The following ZMYM2 variants were observed in gnomAD, a reference collection of about 807,000 sequenced individuals.
ZMYM2 encodes the protein zinc finger MYM-type protein 2.
ZMYM2 carries 56 observed loss-of-function variants against 162.8 expected under a neutral mutation model. The observed-to-expected ratio is 0.34, with a 90% CI of 0.28 to 0.43. ZMYM2 has a LOEUF of 0.43. ZMYM2 is among the 20% of genes least tolerant of loss of function. The probability of loss-of-function intolerance (pLI) is 1.00; values close to 1 mark genes in which losing one functional copy is unlikely to be tolerated. For missense variants in ZMYM2, 1,275 were observed against 1,621.8 expected (o/e 0.79, Z 3.67); for synonymous variants, 510 against 541.6 (o/e 0.94, Z 0.81).
Position 19,960,234 on chromosome 13 carries a change from C to T in ZMYM2, c.-11+208C>T, listed in dbSNP as rs566778441. Among the ~76,000 whole-genome samples the T allele has an allele frequency of 1.4e-3, 208 of 152,334 alleles. 1 individual carries two copies. The highest frequency in any genetic ancestry group is 4.7e-3 in the African/African-American group (197 of 41,578). On this transcript the variant is annotated intron_variant, in intron 2 of 24. Transcript: ENST00000610343. The stretch of plus-strand genomic sequence containing the variant: ...TCCACCGCTGCAGACATCGCTCCTG[C>T]TGCTGCAATACCAACCTCAGCAACC...
chr13:19,939,936 A>G, the ZMYM2 span, among the ~76,000 whole-genome samples: 2 of 152,250 alleles, frequency 1.3e-5, no homozygotes, highest in Non-Finnish European at 2.9e-5. Context: ...ACTACACAAC[A>G]GTGAAAAGGA....
At chr13:19,947,528 T>A in the ZMYM2 span, among the ~76,000 whole-genome samples, 1 of 150,964 alleles carries the variant, frequency 6.6e-6, no homozygotes, top group African/African-American at 2.4e-5. Flanking sequence ...TGCATGATCT[T>A]GGCTCACTGC....
intron 2 of ZMYM2, among the ~76,000 whole-genome samples, chr13:19,969,798 ATTCC>A (rs954330685): frequency 5.9e-5 from 9 of 151,778 alleles, no homozygotes; most frequent in African/African-American, 2.2e-4. Flanking sequence ...TATGCTCTGT[ATTCC>A]TTTGACTTTT....
intron 18 of ZMYM2, among the ~76,000 whole-genome samples, 199 bp from the exon 19 acceptor site, chr13:20,064,252 A>G (rs1399966817): frequency 6.6e-6 from 1 of 152,028 alleles, no homozygotes; most frequent in Non-Finnish European, 1.5e-5. Context: ...CATTTTATAT[A>G]TGTTTTTAGG....
At chr13:20,006,642 G>T in intron 6 of ZMYM2, 56 bp downstream of exon 6, 3 of 1,508,512 alleles carry the variant, frequency 2.0e-6, no homozygotes, top group Non-Finnish European at 2.7e-6. Context: ...TGAAAGTGTT[G>T]TAATACTTTT....
chr13:20,015,653 G>A (rs1222422494), intron 6 of ZMYM2, among the ~76,000 whole-genome samples: 1 of 151,790 alleles, frequency 6.6e-6, no homozygotes, highest in Non-Finnish European at 1.5e-5. Flanking sequence ...TGTATTTTGG[G>A]GGTTTTGATA....
the ZMYM2 span, among the ~76,000 whole-genome samples, chr13:19,941,599 T>G: frequency 5.5e-4 from 84 of 152,252 alleles, no homozygotes; most frequent in African/African-American, 1.9e-3. Context: ...GTTGGCTTTC[T>G]GTGATTGGTT....
the ZMYM2 span, among the ~76,000 whole-genome samples, chr13:19,915,981 T>C: frequency 4.6e-5 from 7 of 151,810 alleles, no homozygotes; most frequent in Admixed American, 6.6e-5. Flanking sequence ...TGCCTCAGCC[T>C]CCCGAGTAGC....
the ZMYM2 span, among the ~76,000 whole-genome samples, chr13:19,919,216 GT>G: frequency 6.6e-6 from 1 of 151,058 alleles, no homozygotes; most frequent in African/African-American, 2.4e-5. Context: ...CTATTGCTGA[GT>G]TTCATTTCTG....
chr13:20,029,205 T>G (rs2140283342), intron 9 of ZMYM2, among the ~76,000 whole-genome samples: 1 of 152,342 alleles, frequency 6.6e-6, no homozygotes, highest in Non-Finnish European at 1.5e-5. Context: ...GAAGGTCTAT[T>G]CCTCATAGAT....
chr13:19,872,705 A>G, the ZMYM2 span, among the ~76,000 whole-genome samples: 1 of 152,108 alleles, frequency 6.6e-6, no homozygotes, highest in South Asian at 2.1e-4. Flanking sequence ...CTGCTTTAAA[A>G]TCCCTTTTAT....
chr13:19,994,366 CTTGT>C (rs1262091622), intron 3 of ZMYM2, among the ~76,000 whole-genome samples: 1 of 152,112 alleles, frequency 6.6e-6, no homozygotes, highest in Non-Finnish European at 1.5e-5. Context: ...AATTTAATAT[CTTGT>C]TTGTCATGCA....
chr13:20,083,827 GT>G, intron 24 of ZMYM2, 51 bp downstream of exon 24: 1 of 1,560,450 alleles, frequency 6.4e-7, no homozygotes, highest in Non-Finnish European at 8.7e-7. Context: ...AAGTTGGCTG[GT>G]TTAAATTTAA....
intron 15 of ZMYM2, 29 bp from the exon 16 acceptor site, chr13:20,059,418 T>G: frequency 6.2e-7 from 1 of 1,610,988 alleles, no homozygotes; most frequent in Admixed American, 1.7e-5. Flanking sequence ...TAGTTAACAT[T>G]GCTCCTTAAA....
chr13:19,984,977 C>T (rs1566217903), intron 2 of ZMYM2, among the ~76,000 whole-genome samples: 1 of 152,140 alleles, frequency 6.6e-6, no homozygotes, highest in African/African-American at 2.4e-5. Context: ...AACAAAGGAG[C>T]CAAATAACTT....
intron 6 of ZMYM2, among the ~76,000 whole-genome samples, chr13:20,017,704 T>C (rs1250415422): frequency 6.6e-6 from 1 of 152,166 alleles, no homozygotes; most frequent in Non-Finnish European, 1.5e-5. Context: ...TGGGTACTTT[T>C]TATTATTCTG....
chr13:20,086,369 T>C lies in ZMYM2; in HGVS notation c.*355T>C. Reference sequence around the variant, plus strand: ...ACAACTCTACTGTTGCAAAGCTTCCTTGGAAGGGGGCTCTTTTACTGGGTT... The same window carrying C: ...ACAACTCTACTGTTGCAAAGCTTCCCTGGAAGGGGGCTCTTTTACTGGGTT... On this transcript the variant is annotated 3_prime_UTR_variant, in exon 25 of 25. Coordinates refer to ENST00000610343, the MANE Select transcript of ZMYM2 (RefSeq NM_197968.4). 4.3e-6 allele frequency: 1 copy of C among 231,966 alleles called. No homozygotes were observed. Among genetic ancestry groups the C allele is most frequent in the East Asian group, 6.3e-5 (1 of 15,890 alleles). 14.4% of individuals were successfully genotyped at this position (231,966 alleles called of 1,614,324 possible).
chr13:19,950,124 A>G, the ZMYM2 span, among the ~76,000 whole-genome samples: 1 of 151,922 alleles, frequency 6.6e-6, no homozygotes, highest in African/African-American at 2.4e-5. Context: ...AAAATAAACA[A>G]TAACAAAATT....
chr13:19,917,407 G>C, the ZMYM2 span, among the ~76,000 whole-genome samples: 74 of 150,884 alleles, frequency 4.9e-4, no homozygotes, highest in Non-Finnish European at 9.8e-4. Context: ...TGGCCGATAT[G>C]ATGAAGCCCC....
Sources: gnomAD v4.1 joint callset for allele counts (sites outside exome capture counted in the v4.1 genomes callset) on GRCh38, gnomAD v4.1.1 for gene constraint, MANE v1.5 for transcripts, NCBI Gene and HGNC (gene_info 2026-07-23, HGNC 2026-07-21) for gene names.